Variants in RIOK3 observed in about 807,000 individuals in gnomAD.
RIOK3 encodes RIO kinase 3.
RIOK3 carries 40 observed loss-of-function variants against 63.5 expected under a neutral mutation model. The observed-to-expected ratio is 0.63, with a 90% CI of 0.49 to 0.82. The LOEUF (loss-of-function observed/expected upper bound fraction) is 0.82. RIOK3 is among the 40% of genes least tolerant of loss of function. The pLI, the probability that RIOK3 is intolerant of heterozygous loss-of-function variation, is 0.00. For missense variants in RIOK3, 557 were observed against 637.0 expected, an observed-to-expected ratio of 0.87 and a Z score of 1.35; for synonymous variants, 193 against 205.0, an observed-to-expected ratio of 0.94 and a Z score of 0.50.
chr18:23,455,138 C>A (rs2057330422), intron 1 of RIOK3, among the ~76,000 whole-genome samples: 1 of 152,042 alleles, frequency 6.6e-6, no homozygotes, highest in Non-Finnish European at 1.5e-5. Flanking sequence ...GTGGTTTGCT[C>A]CCAGCTCACT....
intron 6 of RIOK3, 107 bp from the exon 7 acceptor site, chr18:23,467,292 T>G (rs1356157787): frequency 6.4e-6 from 6 of 935,410 alleles, no homozygotes; most frequent in Non-Finnish European, 9.5e-6. Flanking sequence ...CTAGCCTGGG[T>G]GACAAGAGCA....
Position 23,453,287 on chromosome 18 carries a change from A to G in RIOK3, c.-153A>G. 1.5e-6 allele frequency: 1 copy of G among 675,472 alleles called. No homozygotes were observed. Among genetic ancestry groups the G allele is most frequent in the South Asian group, 1.6e-5 (1 of 61,616 alleles). The allele number at this position is 675,472 out of a possible 1,614,324, so 41.8% of individuals were successfully genotyped here. On this transcript the variant is annotated 5_prime_UTR_variant, in exon 1 of 13. Transcript: ENST00000339486. ...GAAGAGGGCGGAAGAGGAGAGATCC[A>G]GTTCCGGACGCGGCCGCCGCCGTCG... is the stretch of plus-strand genomic sequence containing the variant.
intron 1 of RIOK3, among the ~76,000 whole-genome samples, chr18:23,455,688 A>C (rs2057335702): frequency 6.6e-6 from 1 of 151,820 alleles, no homozygotes; most frequent in Non-Finnish European, 1.5e-5. Flanking sequence ...TCTGTCACCC[A>C]GGCTGGAGTG....
chr18:23,477,788 T>C (rs937641508), intron 11 of RIOK3, among the ~76,000 whole-genome samples: 1 of 143,022 alleles, frequency 7.0e-6, no homozygotes, highest in Non-Finnish European at 1.5e-5. Flanking sequence ...AAAAAAAATA[T>C]GCCAGGTGCA....
chr18:23,477,999 G>A (rs1172859623), intron 11 of RIOK3, among the ~76,000 whole-genome samples: 1 of 151,058 alleles, frequency 6.6e-6, no homozygotes, highest in Non-Finnish European at 1.5e-5. Flanking sequence ...TTGAGCCTGG[G>A]AATCGGAGGT....
At chr18:23,464,854 T>A (rs1222604527) in intron 5 of RIOK3, among the ~76,000 whole-genome samples, 1 of 152,212 alleles carries the variant, frequency 6.6e-6, no homozygotes, top group Non-Finnish European at 1.5e-5. Flanking sequence ...TTGACTCACA[T>A]TGATTCTAAA....
intron 12 of RIOK3, among the ~76,000 whole-genome samples, chr18:23,480,555 G>GCGCACACACACACACACACA (rs779698307): frequency 1.5e-4 from 21 of 142,094 alleles, no homozygotes; most frequent in African/African-American, 5.3e-4. Context: ...TTGGATGCAC[G>GCGCACACACACACACACACA]CACACACACA....
At chr18:23,463,196 G>T in intron 2 of RIOK3, 117 bp downstream of exon 2, 1 of 607,522 alleles carries the variant, frequency 1.6e-6, no homozygotes, top group Non-Finnish European at 2.9e-6. Flanking sequence ...GCACCATATT[G>T]AGAGTCCAGT....
At chr18:23,467,342 C>A in intron 6 of RIOK3, 57 bp from the exon 7 acceptor site, 3 of 1,548,484 alleles carry the variant, frequency 1.9e-6, no homozygotes, top group Non-Finnish European at 2.6e-6. Flanking sequence ...AGAAGTGGCT[C>A]AGAAAATATT....
At chr18:23,480,049 G>T (rs909663966) in intron 12 of RIOK3, among the ~76,000 whole-genome samples, 2 of 152,094 alleles carry the variant, frequency 1.3e-5, no homozygotes, top group Non-Finnish European at 2.9e-5. Flanking sequence ...AGTAACATGT[G>T]GTCCCTGCCC....
intron 1 of RIOK3, among the ~76,000 whole-genome samples, chr18:23,461,754 T>G (rs1376452101): frequency 3.3e-5 from 5 of 152,086 alleles, no homozygotes; most frequent in African/African-American, 1.2e-4. Context: ...TGTGTATTGG[T>G]ATTGTTTTAA....
chr18:23,469,325 CTCTCTCTCTCT>C (rs1568384289), intron 7 of RIOK3, among the ~76,000 whole-genome samples: 7 of 30,324 alleles, frequency 2.3e-4, no homozygotes, highest in East Asian at 4.5e-3. Context: ...CTCTCTCTCT[CTCTCTCTCTCT>C]CCCCCTCTCT....
Position 23,479,403 on chromosome 18 carries a change from T to C in RIOK3, c.1431T>C (p.Asn477=), listed in dbSNP as rs1481076063. The C allele has an allele frequency of 3.7e-6, 6 of 1,613,014 alleles. No homozygotes were observed. The highest frequency in any genetic ancestry group is 2.2e-5 in the East Asian group (1 of 44,860). ...CAGGCTTAAACATCACAGCAGATAA[T>C]GAAGCTGATTTTTTAGCTGAGGTAT... is the stretch of plus-strand genomic sequence containing the variant. ...AVSGLNITAD[N]EADFLAEIEA... Residue 477 remains asparagine (N), a synonymous_variant, in exon 12 of 13, where the codon AAT becomes AAC. Transcript: ENST00000339486.
chr18:23,467,132 A>G (rs1280205413), intron 6 of RIOK3, among the ~76,000 whole-genome samples: 3 of 151,992 alleles, frequency 2.0e-5, no homozygotes, highest in Admixed American at 2.0e-4. Flanking sequence ...TGGCCAACAT[A>G]GTGAAACCCC....
chr18:23,481,163 T>C lies in RIOK3; in HGVS notation c.1453-9T>C, dbSNP rs73967109. ...TTTGACAAATGGATTCAATGTATTA[T>C]TTTTGTAGATAGAAGCTTTGGAGAA... On this transcript the variant is annotated splice_polypyrimidine_tract_variant and intron_variant, in intron 12 of 12. Coordinates refer to ENST00000339486, the MANE Select transcript of RIOK3 (RefSeq NM_003831.5). The C allele has an allele frequency of 3.9e-3, 6,033 of 1,552,370 alleles. 183 individuals carry two copies. The African/African-American group carries it at 0.072, about 19-fold the overall frequency.
At chr18:23,457,770 G>A (rs6507686) in intron 1 of RIOK3, among the ~76,000 whole-genome samples, 144,508 of 152,290 alleles carry the variant, frequency 0.95, 68,613 homozygotes, top group African/African-American at 0.96. Flanking sequence ...TAAATATTCT[G>A]CTTAGATTAT....
chr18:23,464,439 A>G (rs1262491954), intron 4 of RIOK3, 80 bp from the exon 5 acceptor site: 1 of 1,180,392 alleles, frequency 8.5e-7, no homozygotes, highest in Non-Finnish European at 1.2e-6. Flanking sequence ...TTAGATTCAA[A>G]TGTCTTTTCA....
intron 1 of RIOK3, among the ~76,000 whole-genome samples, chr18:23,459,244 G>A (rs1017309476): frequency 1.3e-5 from 2 of 152,164 alleles, no homozygotes; most frequent in African/African-American, 2.4e-5. Context: ...CCTCAGAAGC[G>A]GGCAGGCAAA....
intron 1 of RIOK3, among the ~76,000 whole-genome samples, chr18:23,457,394 G>T (rs1301136351): frequency 6.6e-6 from 1 of 152,208 alleles, no homozygotes; most frequent in East Asian, 1.9e-4. Flanking sequence ...CAGCCTAAGA[G>T]GAGCTTAAGG....
Sources: gnomAD v4.1 joint callset for allele counts (sites outside exome capture counted in the v4.1 genomes callset) on GRCh38, gnomAD v4.1.1 for gene constraint, MANE v1.5 for transcripts, NCBI Gene and HGNC (gene_info 2026-07-23, HGNC 2026-07-21) for gene names.